ALX1: variants seen among roughly 807,000 people sequenced by gnomAD.
ALX1 encodes ALX homeobox 1.
Under a neutral mutation model 31.7 loss-of-function variants are expected in ALX1, and 19 were observed. That is an observed-to-expected ratio of 0.60 (90% CI 0.42 to 0.88). ALX1 has a LOEUF of 0.88. Ranked by LOEUF, ALX1 falls within the 40% of genes least tolerant of loss-of-function variation. ALX1 has a pLI of 0.00. For missense variants in ALX1, 415 were observed against 407.8 expected (o/e 1.02, Z -0.15); for synonymous variants, 153 against 148.8 (o/e 1.03, Z -0.20).
intron 1 of ALX1, among the ~76,000 whole-genome samples, chr12:85,280,903 A>AGCT (rs1896662822): frequency 1.3e-5 from 2 of 151,936 alleles, no homozygotes; most frequent in Admixed American, 1.3e-4. Context: ...AGCTCGTTAG[A>AGCT]GTACGTCACT....
At chr12:85,297,343 A>G (rs1344971700) in intron 3 of ALX1, among the ~76,000 whole-genome samples, 1 of 151,778 alleles carries the variant, frequency 6.6e-6, no homozygotes, top group Non-Finnish European at 1.5e-5. Flanking sequence ...TGAATGATAC[A>G]GTGTCTAGAA....
At chr12:85,284,228 T>G (rs959555902) in intron 2 of ALX1, among the ~76,000 whole-genome samples, 2 of 151,136 alleles carry the variant, frequency 1.3e-5, no homozygotes, top group South Asian at 2.1e-4. Flanking sequence ...TTTGTTTTTT[T>G]TTTTTCGGTT....
At chr12:85,295,145 CT>C (rs1211683105) in intron 3 of ALX1, among the ~76,000 whole-genome samples, 4 of 149,850 alleles carry the variant, frequency 2.7e-5, no homozygotes, top group South Asian at 4.2e-4. Flanking sequence ...AAGTTGGGAT[CT>C]TTTTTTTTCA....
intron 3 of ALX1, among the ~76,000 whole-genome samples, chr12:85,287,785 G>GA (rs933706257): frequency 2.7e-5 from 4 of 150,568 alleles, no homozygotes; most frequent in African/African-American, 7.3e-5. Context: ...GATACATGAT[G>GA]AAAAAAAACC....
Position 85,301,324 on chromosome 12 carries a change from TCAA to T in ALX1, c.834_836del (p.Asn279del). 2 of 1,613,938 alleles carry T rather than the reference TCAA, an allele frequency of 1.2e-6. No homozygotes were observed. On this transcript the variant is annotated inframe_deletion, in exon 4 of 4. Coordinates refer to ENST00000316824, the MANE Select transcript of ALX1 (RefSeq NM_006982.3). ...CAGAACCAGTTCAGCCACGTGCCCCTCAACAATTTTTTCACTGACTCTCTTCTT... is the reference window on the plus strand; with the variant it reads ...CAGAACCAGTTCAGCCACGTGCCCCTCAATTTTTTCACTGACTCTCTTCTT...
At chr12:85,291,317 A>AC (rs1322265911) in intron 3 of ALX1, among the ~76,000 whole-genome samples, 1 of 151,068 alleles carries the variant, frequency 6.6e-6, no homozygotes, top group Non-Finnish European at 1.5e-5. Flanking sequence ...TTGTAGAAAG[A>AC]CTAAAAACTG....
chr12:85,291,900 G>C (rs1188316827), intron 3 of ALX1, among the ~76,000 whole-genome samples: 1 of 151,046 alleles, frequency 6.6e-6, no homozygotes, highest in Non-Finnish European at 1.5e-5. Context: ...GTGGGTTCAA[G>C]TTTTGGCTTT....
intron 2 of ALX1, among the ~76,000 whole-genome samples, chr12:85,285,842 C>T (rs977698209): frequency 4.6e-5 from 7 of 152,004 alleles, no homozygotes; most frequent in East Asian, 1.9e-4. Flanking sequence ...CATTTAAAAA[C>T]ATCCAAGTAT....
intron 3 of ALX1, among the ~76,000 whole-genome samples, chr12:85,288,410 G>C (rs1896776650): frequency 6.6e-6 from 1 of 151,502 alleles, no homozygotes; most frequent in African/African-American, 2.4e-5. Context: ...GCTACCTCTG[G>C]TGGTTACTTA....
chr12:85,300,492 G>A (rs905657871), intron 3 of ALX1, among the ~76,000 whole-genome samples: 3 of 151,954 alleles, frequency 2.0e-5, no homozygotes, highest in Admixed American at 6.6e-5. Context: ...TGTTTTACAT[G>A]TCACATGTCT....
intron 3 of ALX1, among the ~76,000 whole-genome samples, chr12:85,290,068 T>C (rs1896798950): frequency 6.6e-6 from 1 of 151,178 alleles, no homozygotes; most frequent in South Asian, 2.1e-4. Flanking sequence ...AGAAAAGCCA[T>C]ACATAGAAAT....
chr12:85,281,410 A>G (rs1896671405), intron 1 of ALX1, among the ~76,000 whole-genome samples: 1 of 152,238 alleles, frequency 6.6e-6, no homozygotes, highest in Non-Finnish European at 1.5e-5. Flanking sequence ...ACTTCTCCTT[A>G]TCATTGTATA....
intron 1 of ALX1, among the ~76,000 whole-genome samples, chr12:85,282,474 T>C (rs1233469811): frequency 6.6e-6 from 1 of 152,170 alleles, no homozygotes; most frequent in African/African-American, 2.4e-5. Flanking sequence ...TAAACTTGAA[T>C]ATATTTGTAT....
chr12:85,301,022 T>C, intron 3 of ALX1, 133 bp from the exon 4 acceptor site: 1 of 842,030 alleles, frequency 1.2e-6, no homozygotes, highest in South Asian at 1.6e-5. Context: ...GTCATTGTTG[T>C]ATGTAATTAC....
rs1896713684 is a variant in ALX1, at chr12:85,283,870, G to A, written c.525G>A (p.Arg175=). 7 of 1,613,634 alleles carry A rather than the reference G, an allele frequency of 4.3e-6. No homozygotes were observed. The highest frequency in any genetic ancestry group is 1.3e-5 in the African/African-American group (1 of 74,892). The change falls in exon 2 of 4, where the codon AGG becomes AGA. Residue 175 remains arginine (R), a synonymous_variant. Transcript: ENST00000316824. ...TGAGGACAGAGCTCACTGAGGCCAG[G>A]GTCCAGGTAGGAGCCAAAAAGAGGC... is the stretch of plus-strand genomic sequence containing the variant. The part of the protein sequence containing the change: ...LALRTELTEA[R]VQVWFQNRRA...
chr12:85,297,458 A>T (rs951362823), intron 3 of ALX1, among the ~76,000 whole-genome samples: 10 of 151,812 alleles, frequency 6.6e-5, no homozygotes, highest in Admixed American at 4.6e-4. Flanking sequence ...AGATTTTTAC[A>T]TGTAAGAAAG....
chr12:85,291,649 T>C (rs1290681593), intron 3 of ALX1, among the ~76,000 whole-genome samples: 1 of 151,166 alleles, frequency 6.6e-6, no homozygotes, highest in East Asian at 1.9e-4. Context: ...TAACTTTGAG[T>C]TACAACTTTG....
chr12:85,299,382 A>T (rs948636958), intron 3 of ALX1, among the ~76,000 whole-genome samples: 2 of 151,724 alleles, frequency 1.3e-5, no homozygotes, highest in South Asian at 2.1e-4. Flanking sequence ...AGTGGAACAC[A>T]TATAGTAGAA....
At chr12:85,295,545 C>A (rs1279550403) in intron 3 of ALX1, among the ~76,000 whole-genome samples, 1 of 151,232 alleles carries the variant, frequency 6.6e-6, no homozygotes, top group African/African-American at 2.4e-5. Flanking sequence ...AAACATTATG[C>A]CAAAGAGGAA....
Sources: allele counts gnomAD v4.1 joint callset (sites outside exome capture counted in the v4.1 genomes callset), GRCh38; gene constraint gnomAD v4.1.1; transcripts MANE v1.5; gene names NCBI Gene and HGNC (gene_info 2026-07-23, HGNC 2026-07-21).